GABRG3: variants seen among roughly 807,000 people sequenced by gnomAD.
GABRG3 encodes gamma-aminobutyric acid receptor subunit gamma-3.
Under a neutral mutation model 48.8 loss-of-function variants are expected in GABRG3, and 25 were observed. The observed-to-expected ratio is 0.51, with a 90% CI of 0.37 to 0.72. The LOEUF (loss-of-function observed/expected upper bound fraction) is 0.72. Ranked by LOEUF, GABRG3 falls within the 30% of genes least tolerant of loss-of-function variation. The pLI is 0.00. For synonymous variants in GABRG3, 227 were observed against 217.6 expected (o/e 1.04, Z -0.38); for missense variants, 394 against 577.9 (o/e 0.68, Z 3.26).
intron 3 of GABRG3, among the ~76,000 whole-genome samples, chr15:27,262,826 T>TA (rs901713117): frequency 6.6e-6 from 1 of 152,254 alleles, no homozygotes; most frequent in Non-Finnish European, 1.5e-5. Context: ...TACATTTTTT[T>TA]AAATCAGCAA....
At chr15:27,126,494 G>A (rs997329197) in intron 3 of GABRG3, among the ~76,000 whole-genome samples, 3 of 152,130 alleles carry the variant, frequency 2.0e-5, no homozygotes, top group Non-Finnish European at 4.4e-5. Context: ...GCACTTCCTG[G>A]CTGTGGCTGT....
At chr15:26,998,701 T>C (rs1220064052) in intron 2 of GABRG3, among the ~76,000 whole-genome samples, 1 of 152,166 alleles carries the variant, frequency 6.6e-6, no homozygotes. Flanking sequence ...AGTGAAATCA[T>C]TATCTTACAC....
At chr15:27,440,811 C>A (rs1270366928) in intron 5 of GABRG3, among the ~76,000 whole-genome samples, 2 of 152,190 alleles carry the variant, frequency 1.3e-5, no homozygotes, top group Admixed American at 6.5e-5. Flanking sequence ...AAGACTAGAT[C>A]ATAATTATTC....
At chr15:27,404,616 T>C (rs2140591697) in intron 5 of GABRG3, among the ~76,000 whole-genome samples, 1 of 152,280 alleles carries the variant, frequency 6.6e-6, no homozygotes, top group East Asian at 1.9e-4. Flanking sequence ...AAAATGATGC[T>C]GACACAGGGG....
intron 3 of GABRG3, among the ~76,000 whole-genome samples, chr15:27,285,254 GGTGT>G (rs60880658): frequency 0.036 from 5,163 of 142,444 alleles, 133 homozygotes; most frequent in South Asian, 0.1. Context: ...TGAGCTTTCA[GGTGT>G]GTGTGTGTGT....
chr15:27,287,556 A>G (rs915776586), intron 3 of GABRG3, among the ~76,000 whole-genome samples: 5 of 152,110 alleles, frequency 3.3e-5, no homozygotes, highest in Admixed American at 3.3e-4. Flanking sequence ...TATACCTTAT[A>G]ATTATACCAT....
intron 3 of GABRG3, among the ~76,000 whole-genome samples, chr15:27,048,098 A>C (rs1896394491): frequency 1.3e-5 from 2 of 152,110 alleles, no homozygotes; most frequent in Admixed American, 6.5e-5. Context: ...ATCCTCTTCC[A>C]GCCTGGGGAG....
At chr15:27,052,857 C>G (rs1345555848) in intron 3 of GABRG3, among the ~76,000 whole-genome samples, 1 of 152,118 alleles carries the variant, frequency 6.6e-6, no homozygotes, top group Non-Finnish European at 1.5e-5. Flanking sequence ...AGAAATAAAG[C>G]AACACACATG....
chr15:27,335,441 G>A (rs1893932388), intron 5 of GABRG3, among the ~76,000 whole-genome samples: 1 of 152,164 alleles, frequency 6.6e-6, no homozygotes, highest in South Asian at 2.1e-4. Flanking sequence ...CATCCTAGTG[G>A]ATGAGAAATT....
chr15:27,049,468 T>C (rs1896419961), intron 3 of GABRG3, among the ~76,000 whole-genome samples: 1 of 152,180 alleles, frequency 6.6e-6, no homozygotes, highest in Non-Finnish European at 1.5e-5. Flanking sequence ...GAGCTCAATT[T>C]CTTCCCAGCA....
chr15:27,355,918 T>C (rs1233295366), intron 5 of GABRG3, among the ~76,000 whole-genome samples: 1 of 152,000 alleles, frequency 6.6e-6, no homozygotes, highest in Non-Finnish European at 1.5e-5. Context: ...GACAAATTCA[T>C]AGAGAAAAAA....
chr15:27,250,052 C>T (rs1890404495), intron 3 of GABRG3, among the ~76,000 whole-genome samples: 1 of 152,110 alleles, frequency 6.6e-6, no homozygotes, highest in African/African-American at 2.4e-5. Flanking sequence ...GTCCTCCATC[C>T]TCCTGTCTGT....
rs967785437 is a variant in GABRG3, at chr15:27,316,344, C to T, written c.271-10465C>T. ...CAGAGCTTGCAGTGAGCCGAGATCC[C>T]GCCACTGCACTCCAGCCTGGGCGAC... On this transcript the variant is annotated intron_variant, in intron 3 of 9. Coordinates refer to ENST00000615808, the MANE Select transcript of GABRG3 (RefSeq NM_033223.5). Among the ~76,000 whole-genome samples, 50 of 147,506 alleles carry T rather than the reference C, an allele frequency of 3.4e-4. 2 individuals are homozygous for T. The highest frequency in any genetic ancestry group is 1.2e-3 in the African/African-American group (47 of 39,800).
chr15:26,999,709 G>T (rs1396429568), intron 2 of GABRG3, among the ~76,000 whole-genome samples: 1 of 151,858 alleles, frequency 6.6e-6, no homozygotes, highest in Non-Finnish European at 1.5e-5. Context: ...TATTTTTCTG[G>T]TTCTTCCATC....
intron 2 of GABRG3, among the ~76,000 whole-genome samples, chr15:27,008,235 A>G (rs1895623096): frequency 6.6e-6 from 1 of 152,230 alleles, no homozygotes; most frequent in South Asian, 2.1e-4. Flanking sequence ...ACCTACTCAA[A>G]TGCATTAGAA....
intron 5 of GABRG3, among the ~76,000 whole-genome samples, chr15:27,387,879 G>A (rs1895978788): frequency 1.4e-5 from 1 of 72,826 alleles, no homozygotes; most frequent in Non-Finnish European, 2.8e-5. Flanking sequence ...GGGAGGGAGG[G>A]AGGGGAAGGA....
intron 3 of GABRG3, among the ~76,000 whole-genome samples, chr15:27,109,697 A>G (rs1431118436): frequency 1.3e-5 from 2 of 152,190 alleles, no homozygotes; most frequent in Non-Finnish European, 2.9e-5. Flanking sequence ...AGCCTGGCCA[A>G]CATGGCAAAA....
chr15:27,060,798 C>T (rs1424024065), intron 3 of GABRG3, among the ~76,000 whole-genome samples: 1 of 152,178 alleles, frequency 6.6e-6, no homozygotes, highest in Non-Finnish European at 1.5e-5. Context: ...CACTTTCTCC[C>T]CTCCATAAAG....
At chr15:27,342,278 C>T (rs543558566) in intron 5 of GABRG3, among the ~76,000 whole-genome samples, 9 of 152,150 alleles carry the variant, frequency 5.9e-5, no homozygotes, top group Non-Finnish European at 7.3e-5. Flanking sequence ...ATGCAAAAAC[C>T]GAGTCTTAGG....
Sources: allele counts gnomAD v4.1 joint callset (sites outside exome capture counted in the v4.1 genomes callset), GRCh38; gene constraint gnomAD v4.1.1; transcripts MANE v1.5; gene names NCBI Gene and HGNC (gene_info 2026-07-23, HGNC 2026-07-21).